WASF3: variants seen among roughly 807,000 people sequenced by gnomAD.
WASF3 encodes actin-binding protein WASF3.
Under a neutral mutation model 46.6 loss-of-function variants are expected in WASF3, and 11 were observed. The observed-to-expected ratio is 0.24, with a 90% CI of 0.15 to 0.39. The LOEUF (loss-of-function observed/expected upper bound fraction) is 0.39, where lower values mean the gene tolerates loss of function less well. Among genes scored for constraint, WASF3 ranks in the 10% least tolerant of loss-of-function variants. WASF3 has a pLI of 1.00. For missense variants in WASF3, 576 were observed against 669.8 expected (o/e 0.86, Z 1.55); for synonymous variants, 242 against 259.7 (o/e 0.93, Z 0.65).
chr13:26,599,046 T>C (rs151213632), intron 1 of WASF3, among the ~76,000 whole-genome samples: 1,999 of 152,098 alleles, frequency 0.013, 53 homozygotes, highest in African/African-American at 0.046. Flanking sequence ...AATTTTTGTA[T>C]TTTTAGTAGA....
At chr13:26,611,569 C>G (rs1301658442) in intron 1 of WASF3, among the ~76,000 whole-genome samples, 1 of 151,946 alleles carries the variant, frequency 6.6e-6, no homozygotes, top group African/African-American at 2.4e-5. Flanking sequence ...GGCTGGTTAC[C>G]CTCAAAATCA....
chr13:26,563,675 A>G (rs1020698164), intron 1 of WASF3, among the ~76,000 whole-genome samples: 5 of 151,340 alleles, frequency 3.3e-5, no homozygotes, highest in African/African-American at 1.2e-4. Flanking sequence ...AAAAAAAAAA[A>G]AAAGAATAGT....
chr13:26,667,546 G>C lies in WASF3; in HGVS notation c.298G>C (p.Ala100Pro). ...VSLQDINMKK[A>P]FKSSTVQDQQ... ...ACTACAGGATATCAACATGAAAAAAGCTTTCAAAAGTTCCACAGTCCAAGA... is the reference window on the plus strand; with the variant it reads ...ACTACAGGATATCAACATGAAAAAACCTTTCAAAAGTTCCACAGTCCAAGA... The change falls in exon 5 of 10, where the codon GCT (alanine) becomes CCT (proline). Residue 100 changes from alanine to proline, a missense_variant. Coordinates refer to ENST00000335327, the MANE Select transcript of WASF3 (RefSeq NM_006646.6). The C allele has an allele frequency of 6.2e-7, 1 of 1,613,944 alleles. No individual in the cohort carries two copies. Among genetic ancestry groups the C allele is most frequent in the South Asian group, 1.1e-5 (1 of 91,040 alleles).
At chr13:26,634,430 CT>C in intron 2 of WASF3, among the ~76,000 whole-genome samples, 2 of 152,274 alleles carry the variant, frequency 1.3e-5, no homozygotes, top group East Asian at 3.9e-4. Flanking sequence ...TGGGTCTTGA[CT>C]TTTTATCCAG....
chr13:26,575,174 G>A (rs937209180), intron 1 of WASF3, among the ~76,000 whole-genome samples: 2 of 151,882 alleles, frequency 1.3e-5, no homozygotes, highest in East Asian at 1.9e-4. Context: ...TTACTGTCTT[G>A]TATGCTACTT....
chr13:26,675,593 G>A (rs2137493319), intron 6 of WASF3, among the ~76,000 whole-genome samples: 1 of 149,806 alleles, frequency 6.7e-6, no homozygotes, highest in South Asian at 2.1e-4. Context: ...ATTTATAATA[G>A]TACCTTTATT....
chr13:26,680,305 A>T, intron 7 of WASF3: 6 of 1,333,098 alleles, frequency 4.5e-6, no homozygotes, highest in Non-Finnish European at 5.0e-6. Context: ...CTGTAACCTG[A>T]GCCAGGAGCG....
upstream of WASF3, among the ~76,000 whole-genome samples, chr13:26,553,044 T>A (rs1879003148): frequency 1.3e-5 from 2 of 152,180 alleles, no homozygotes; most frequent in Non-Finnish European, 2.9e-5. Context: ...TTCAAGAGGT[T>A]TTAAAAATAG....
intron 1 of WASF3, among the ~76,000 whole-genome samples, chr13:26,604,690 G>C (rs562646790): frequency 5.9e-5 from 9 of 152,206 alleles, no homozygotes; most frequent in African/African-American, 1.9e-4. Context: ...TTTGAATCAG[G>C]GATGAATTCT....
At chr13:26,563,371 T>A (rs1879360733) in intron 1 of WASF3, among the ~76,000 whole-genome samples, 1 of 152,086 alleles carries the variant, frequency 6.6e-6, no homozygotes, top group African/African-American at 2.4e-5. Flanking sequence ...TATAATAATT[T>A]TTCCGCACTA....
intron 1 of WASF3, among the ~76,000 whole-genome samples, chr13:26,590,758 T>C (rs147526581): frequency 6.6e-6 from 1 of 152,342 alleles, no homozygotes; most frequent in East Asian, 1.9e-4. Context: ...TTCCATGCAC[T>C]GATCTGGGCA....
chr13:26,566,562 G>T (rs1392641434), intron 1 of WASF3, among the ~76,000 whole-genome samples: 2 of 152,240 alleles, frequency 1.3e-5, no homozygotes, highest in Non-Finnish European at 2.9e-5. Flanking sequence ...GGAAGCTTAT[G>T]TTGGGGTCGT....
rs1417760737 is a variant in WASF3, at chr13:26,682,742, A to G, written c.1119A>G (p.Ala373=). Residue 373 remains alanine (A), a synonymous_variant, in exon 9 of 10, where the codon GCA becomes GCG. Coordinates refer to ENST00000335327, the MANE Select transcript of WASF3 (RefSeq NM_006646.6). The surrounding 1 kb of genome is among the most constrained non-coding windows in gnomAD (Gnocchi z 4.4). ...LQMPMQPPFP[A]SASSTHAAPP... The stretch of plus-strand genomic sequence containing the variant: ...TGCCCATGCAGCCCCCGTTCCCTGC[A>G]TCAGCCAGCTCCACGCACGCAGCTC... The G allele has an allele frequency of 6.2e-7, 1 of 1,613,470 alleles. No individual in the cohort carries two copies. The highest frequency in any genetic ancestry group is 8.5e-7 in the Non-Finnish European group (1 of 1,179,980).
At position 26,626,123 on chromosome 13, in the gene WASF3, T is replaced by G. The variant is rs369296048; in HGVS notation, c.-11+13065T>G. On this transcript the variant is annotated intron_variant, in intron 2 of 9. Transcript: ENST00000335327. ...GTAGAGGAGCCACTGCAACAGCATCTTGCAGTAGGGGAGAGAGATTGGGTT... is the reference window on the plus strand; with the variant it reads ...GTAGAGGAGCCACTGCAACAGCATCGTGCAGTAGGGGAGAGAGATTGGGTT... The G allele has an allele frequency of 2.6e-5, 4 of 152,316 alleles. No individual in the cohort carries two copies. The East Asian group carries it at 5.8e-4, about 22-fold the overall frequency. 9.4% of individuals were successfully genotyped at this position (152,316 alleles called of 1,614,324 possible).
intron 1 of WASF3, among the ~76,000 whole-genome samples, chr13:26,591,075 G>T (rs1190073642): frequency 5.3e-5 from 8 of 151,950 alleles, no homozygotes; most frequent in Non-Finnish European, 1.2e-4. Context: ...ATGGTAGCAA[G>T]TGCAAAGGTC....
At chr13:26,574,014 C>G (rs932558659) in intron 1 of WASF3, among the ~76,000 whole-genome samples, 1 of 152,172 alleles carries the variant, frequency 6.6e-6, no homozygotes, top group Non-Finnish European at 1.5e-5. Context: ...TACCACTGTT[C>G]ATTTGTCCAC....
chr13:26,578,993 C>CCTTTTTTTTTTTT (rs1879887162), intron 1 of WASF3, among the ~76,000 whole-genome samples: 2 of 60,638 alleles, frequency 3.3e-5, no homozygotes, highest in Non-Finnish European at 5.6e-5. Flanking sequence ...GATACATTTC[C>CCTTTTTTTTTTTT]TTTTTTTTTT....
chr13:26,616,356 C>A (rs1881133548), intron 2 of WASF3, among the ~76,000 whole-genome samples: 1 of 152,168 alleles, frequency 6.6e-6, no homozygotes, highest in Admixed American at 6.5e-5. Context: ...TCCTTAATGA[C>A]TAATGCTGTT....
At chr13:26,587,105 A>AAG (rs1880151261) in intron 1 of WASF3, among the ~76,000 whole-genome samples, 1 of 147,032 alleles carries the variant, frequency 6.8e-6, no homozygotes, top group Non-Finnish European at 1.5e-5. Context: ...CCTGCCTCAA[A>AAG]AAAAAAAAAA....
Sources: gnomAD v4.1 joint callset for allele counts (sites outside exome capture counted in the v4.1 genomes callset) on GRCh38, gnomAD v4.1.1 for gene constraint, Gnocchi (gnomAD v3.1) non-coding constraint, MANE v1.5 for transcripts, NCBI Gene and HGNC (gene_info 2026-07-23, HGNC 2026-07-21) for gene names.